Variants in FSTL4 observed in about 807,000 individuals in gnomAD.
The protein encoded by FSTL4 is follistatin like 4.
FSTL4 carries 28 observed loss-of-function variants against 78.2 expected under a neutral mutation model. The ratio of observed to expected loss-of-function variants is 0.36; its 90% CI spans 0.27 to 0.49. The LOEUF is 0.49. FSTL4 is among the 20% of genes least tolerant of loss of function. The pLI is 0.98. For missense variants in FSTL4, 922 were observed against 1,084.9 expected (o/e 0.85, Z 2.11); for synonymous variants, 422 against 440.5 (o/e 0.96, Z 0.53).
intron 3 of FSTL4, among the ~76,000 whole-genome samples, chr5:133,542,171 A>G (rs1759489904): frequency 6.6e-6 from 1 of 152,202 alleles, no homozygotes; most frequent in East Asian, 1.9e-4. Flanking sequence ...TCCTAGTGTA[A>G]GAATTTTTTC....
At chr5:133,548,611 C>T (rs2642689) in intron 3 of FSTL4, among the ~76,000 whole-genome samples, 64,531 of 151,918 alleles carry the variant, frequency 0.42, 14,253 homozygotes, top group African/African-American at 0.54. Context: ...ACTAACACTA[C>T]TGGCATTAGC....
In FSTL4 at chr5:133,216,875, G is replaced by A. The variant is rs112674249; in HGVS notation, c.1608+354C>T. 1.5e-3 allele frequency among the ~76,000 whole-genome samples: 222 copies of A among 152,184 alleles called. 1 individual carries two copies. Among genetic ancestry groups the A allele is most frequent in the African/African-American group, 4.7e-3 (197 of 41,510 alleles). ...TCACTGTGCCTTCTCTCAGAGTCTC[G>A]GTCCTACCTGGCATCTCATTCACCT... On this transcript the variant is annotated intron_variant, in intron 13 of 15. Transcript: ENST00000265342.
chr5:133,321,409 G>C (rs1754047174), intron 4 of FSTL4, among the ~76,000 whole-genome samples: 2 of 152,226 alleles, frequency 1.3e-5, no homozygotes, highest in South Asian at 4.1e-4. Flanking sequence ...GACAGGGGCA[G>C]GGTCCAGTCT....
intron 4 of FSTL4, among the ~76,000 whole-genome samples, chr5:133,359,282 G>T (rs1755017189): frequency 6.6e-6 from 1 of 152,160 alleles, no homozygotes; most frequent in Non-Finnish European, 1.5e-5. Flanking sequence ...GTCAAAAGGC[G>T]CATAGTAAAC....
chr5:133,305,936 G>A (rs536919628), intron 6 of FSTL4, among the ~76,000 whole-genome samples: 9 of 152,308 alleles, frequency 5.9e-5, no homozygotes, highest in African/African-American at 2.2e-4. Context: ...AGCTCACCCT[G>A]CTTTCAGAGA....
the FSTL4 span, among the ~76,000 whole-genome samples, chr5:133,668,022 GT>G: frequency 2.6e-5 from 4 of 152,232 alleles, no homozygotes; most frequent in Non-Finnish European, 4.4e-5. Flanking sequence ...TCACATGTTT[GT>G]GGTGATTGAA....
chr5:133,272,209 T>G (rs1395195412), intron 6 of FSTL4, among the ~76,000 whole-genome samples: 2 of 152,264 alleles, frequency 1.3e-5, no homozygotes, highest in Non-Finnish European at 2.9e-5. Context: ...AAGTTTCATT[T>G]CAGTTAAAAA....
the FSTL4 span, among the ~76,000 whole-genome samples, chr5:133,779,686 CA>C: frequency 6.6e-6 from 1 of 152,208 alleles, no homozygotes. Context: ...TGGAAGAATT[CA>C]AATCTAGCAT....
At chr5:133,739,573 A>G in the FSTL4 span, among the ~76,000 whole-genome samples, 1 of 152,180 alleles carries the variant, frequency 6.6e-6, no homozygotes, top group Non-Finnish European at 1.5e-5. Context: ...CTCCATCATT[A>G]AGCCAGCCAT....
chr5:133,574,248 C>T (rs1760225441), intron 2 of FSTL4, among the ~76,000 whole-genome samples: 1 of 152,128 alleles, frequency 6.6e-6, no homozygotes, highest in African/African-American at 2.4e-5. Context: ...CAAGTTGAAA[C>T]CACAGTGGGA....
chr5:133,541,181 C>T (rs942183657), intron 3 of FSTL4, among the ~76,000 whole-genome samples: 1 of 152,202 alleles, frequency 6.6e-6, no homozygotes, highest in African/African-American at 2.4e-5. Flanking sequence ...CATTATTTCT[C>T]GATATTTCTG....
chr5:133,698,188 G>C, the FSTL4 span, among the ~76,000 whole-genome samples: 2 of 151,634 alleles, frequency 1.3e-5, no homozygotes, highest in African/African-American at 4.9e-5. Flanking sequence ...CACCCTGCTC[G>C]CGTCGAAAAA....
At chr5:133,603,147 G>C (rs750418413) in intron 2 of FSTL4, among the ~76,000 whole-genome samples, 2 of 152,120 alleles carry the variant, frequency 1.3e-5, no homozygotes, top group Non-Finnish European at 2.9e-5. Flanking sequence ...CACACACAAA[G>C]CATTTTCTGC....
chr5:133,420,126 T>C (rs1409133020), intron 3 of FSTL4, among the ~76,000 whole-genome samples: 1 of 152,224 alleles, frequency 6.6e-6, no homozygotes, highest in East Asian at 1.9e-4. Flanking sequence ...CTCAGTGTTA[T>C]ATTGAGTTTG....
chr5:133,581,433 G>C (rs951411820), intron 2 of FSTL4, among the ~76,000 whole-genome samples: 1 of 152,228 alleles, frequency 6.6e-6, no homozygotes, highest in Non-Finnish European at 1.5e-5. Flanking sequence ...AGGAATGAGG[G>C]AGCATGCAGA....
At chr5:133,712,369 C>T in the FSTL4 span, among the ~76,000 whole-genome samples, 1 of 152,152 alleles carries the variant, frequency 6.6e-6, no homozygotes, top group Non-Finnish European at 1.5e-5. Context: ...CCTCCTGTCT[C>T]CATGGTGCCC....
rs1554097213 is a variant in FSTL4, at chr5:133,221,901, T to TTTTG, written c.1340-1036_1340-1035insCAAA. Reference sequence around the variant, plus strand: ...AAAATCTCTTTTCTAGTTTTTTTTTTTTTTTTTTTTTTTTTTTTTTTTTTT... The same window carrying TTTTG: ...AAAATCTCTTTTCTAGTTTTTTTTTTTTTGTTTTTTTTTTTTTTTTTTTTTTTTT... On this transcript the variant is annotated intron_variant, in intron 11 of 15. Coordinates refer to ENST00000265342, the MANE Select transcript of FSTL4 (RefSeq NM_015082.2). Among the ~76,000 whole-genome samples, 326 of 99,160 alleles carry TTTTG rather than the reference T, an allele frequency of 3.3e-3. 23 individuals carry two copies. Among genetic ancestry groups the TTTTG allele is most frequent in the African/African-American group, 0.027 (313 of 11,732 alleles). The allele number at this position is 99,160 out of a possible 152,430, so 65.1% of individuals were successfully genotyped here.
intron 4 of FSTL4, among the ~76,000 whole-genome samples, chr5:133,356,038 G>A (rs905551611): frequency 5.3e-5 from 8 of 152,188 alleles, no homozygotes; most frequent in Admixed American, 4.6e-4. Context: ...GGTCCCAGGG[G>A]GCCTTCTGGG....
the FSTL4 span, among the ~76,000 whole-genome samples, chr5:133,687,526 G>GA: frequency 3.4e-4 from 51 of 151,936 alleles, no homozygotes; most frequent in African/African-American, 1.1e-3. Context: ...CACCCAGGGG[G>GA]GCTTTACAGG....
Sources: gnomAD v4.1 joint callset for allele counts (sites outside exome capture counted in the v4.1 genomes callset) on GRCh38, gnomAD v4.1.1 for gene constraint, MANE v1.5 for transcripts, NCBI Gene and HGNC (gene_info 2026-07-23, HGNC 2026-07-21) for gene names.